SNRNP40: variants seen among roughly 807,000 people sequenced by gnomAD.
SNRNP40 encodes the protein U5 small nuclear ribonucleoprotein 40 kDa protein.
A neutral mutation model predicts 45.8 loss-of-function variants in SNRNP40; 21 were observed. The observed-to-expected ratio is 0.46, with a 90% CI of 0.32 to 0.66. The LOEUF (loss-of-function observed/expected upper bound fraction) is 0.66. Ranked by LOEUF, SNRNP40 falls within the 30% of genes least tolerant of loss-of-function variation. The pLI, the probability that SNRNP40 is intolerant of heterozygous loss-of-function variation, is 0.03. For synonymous variants in SNRNP40, 142 were observed against 163.8 expected, an observed-to-expected ratio of 0.87 and a Z score of 1.01; for missense variants, 344 against 439.1, an observed-to-expected ratio of 0.78 and a Z score of 1.94.
At chr1:31,276,518 G>T (rs1645975840) in intron 5 of SNRNP40, among the ~76,000 whole-genome samples, 2 of 152,096 alleles carry the variant, frequency 1.3e-5, no homozygotes, top group Non-Finnish European at 2.9e-5. Flanking sequence ...GAAGATAAGA[G>T]GCAAGTCACA....
At chr1:31,283,937 T>C (rs1439725248) in intron 4 of SNRNP40, among the ~76,000 whole-genome samples, 3 of 151,974 alleles carry the variant, frequency 2.0e-5, no homozygotes, top group African/African-American at 7.3e-5. Flanking sequence ...ATAAAATTCT[T>C]AGAGGGCCAG....
chr1:31,281,834 C>T, intron 4 of SNRNP40: 1 of 172,734 alleles, frequency 5.8e-6, no homozygotes, highest in Non-Finnish European at 1.2e-5. Context: ...ACAATTTTTT[C>T]AAACCGTAGA....
chr1:31,292,854 G>A (rs948913917), intron 2 of SNRNP40: 4 of 200,042 alleles, frequency 2.0e-5, no homozygotes, highest in African/African-American at 4.8e-5. Context: ...TGAATTAAGA[G>A]GACCTTATAC....
chr1:31,290,395 A>AT (rs1646095725), intron 3 of SNRNP40, among the ~76,000 whole-genome samples: 1 of 152,160 alleles, frequency 6.6e-6, no homozygotes, highest in Non-Finnish European at 1.5e-5. Flanking sequence ...GCACCCTAAG[A>AT]TTTTAGAGGT....
intron 7 of SNRNP40, among the ~76,000 whole-genome samples, chr1:31,268,615 T>C (rs886254344): frequency 4.0e-5 from 6 of 151,170 alleles, no homozygotes; most frequent in African/African-American, 1.2e-4. Flanking sequence ...CTCAATGAGC[T>C]CTCAAAAAAA....
intron 4 of SNRNP40, among the ~76,000 whole-genome samples, chr1:31,285,721 A>T (rs1011231315): frequency 2.6e-5 from 4 of 152,350 alleles, no homozygotes; most frequent in African/African-American, 9.6e-5. Context: ...CATATGTTAA[A>T]TTTAGACTCC....
chr1:31,269,692 C>T, intron 6 of SNRNP40: 1 of 229,982 alleles, frequency 4.3e-6, no homozygotes, highest in Non-Finnish European at 8.4e-6. Context: ...TAGTCTAAGA[C>T]TGGACAAGGT....
At chr1:31,263,887 C>T (rs995130053) in intron 8 of SNRNP40, among the ~76,000 whole-genome samples, 11 of 136,648 alleles carry the variant, frequency 8.0e-5, no homozygotes, top group Admixed American at 6.3e-4. Flanking sequence ...ATTTTACTTT[C>T]ACTTACCCTC....
At chr1:31,268,338 A>G (rs1645914167) in intron 7 of SNRNP40, among the ~76,000 whole-genome samples, 1 of 148,512 alleles carries the variant, frequency 6.7e-6, no homozygotes, top group Non-Finnish European at 1.5e-5. Context: ...GCTGGAGTAC[A>G]GTGGCACAAT....
intron 5 of SNRNP40, among the ~76,000 whole-genome samples, chr1:31,274,645 T>TA (rs368995037): frequency 0.076 from 8,524 of 111,982 alleles, 443 homozygotes; most frequent in Admixed American, 0.16. Flanking sequence ...ACCATTACAT[T>TA]AAAAAAAAAA....
intron 8 of SNRNP40, among the ~76,000 whole-genome samples, chr1:31,262,631 G>A (rs1201285341): frequency 1.3e-5 from 2 of 150,516 alleles, no homozygotes; most frequent in Non-Finnish European, 2.9e-5. Context: ...AGGCAATACA[G>A]TTCATCAACG....
At chr1:31,260,632 C>T (rs980818968) in intron 9 of SNRNP40, among the ~76,000 whole-genome samples, 11 of 151,780 alleles carry the variant, frequency 7.2e-5, no homozygotes, top group African/African-American at 1.9e-4. Flanking sequence ...GAAGCTGAGG[C>T]GGGTGGATTA....
intron 8 of SNRNP40, among the ~76,000 whole-genome samples, chr1:31,264,901 C>T (rs1645885773): frequency 6.6e-6 from 1 of 152,184 alleles, no homozygotes; most frequent in African/African-American, 2.4e-5. Context: ...AGGGTTTACA[C>T]TTCAAGGTCT....
intron 5 of SNRNP40, among the ~76,000 whole-genome samples, chr1:31,274,665 A>C (rs915653457): frequency 2.0e-5 from 3 of 148,316 alleles, no homozygotes; most frequent in South Asian, 2.1e-4. Flanking sequence ...AAAAAAAAAA[A>C]CCAAACTGAA....
chr1:31,264,088 T>C (rs1372523744), intron 8 of SNRNP40, among the ~76,000 whole-genome samples: 1 of 152,212 alleles, frequency 6.6e-6, no homozygotes, highest in East Asian at 1.9e-4. Context: ...TTTTGTTTTG[T>C]GCAATCAACA....
Position 31,288,166 on chromosome 1 carries a change from G to GA in SNRNP40, c.531+1087dup, listed in dbSNP as rs112153143. ...CGATAGAGCAAGACCCTGTCTCAAAGAAAAAAAAAAAAAAGCAAATTCATT... is the reference window on the plus strand; with the variant it reads ...CGATAGAGCAAGACCCTGTCTCAAAGAAAAAAAAAAAAAAAGCAAATTCATT... On this transcript the variant is annotated intron_variant, in intron 4 of 9. Coordinates refer to ENST00000263694, the MANE Select transcript of SNRNP40 (RefSeq NM_004814.3). Among the ~76,000 whole-genome samples, 530 of 120,386 alleles carry GA rather than the reference G, an allele frequency of 4.4e-3. 2 individuals are homozygous for GA. Among genetic ancestry groups the GA allele is most frequent in the South Asian group, 9.9e-3 (39 of 3,948 alleles). 79.0% of individuals were successfully genotyped at this position (120,386 alleles called of 152,430 possible). A position where few individuals can be genotyped will look rare whatever the true frequency, so the allele number is the denominator to read the frequency against.
At chr1:31,260,307 G>A (rs1389718264) in intron 9 of SNRNP40, among the ~76,000 whole-genome samples, 186 bp from the exon 10 acceptor site, 1 of 152,060 alleles carries the variant, frequency 6.6e-6, no homozygotes, top group Non-Finnish European at 1.5e-5. Context: ...CTAATATCAT[G>A]AGGATGACTG....
At chr1:31,279,674 G>A (rs1020859650) in intron 5 of SNRNP40, among the ~76,000 whole-genome samples, 3 of 151,154 alleles carry the variant, frequency 2.0e-5, no homozygotes, top group South Asian at 4.2e-4. Context: ...TTGAACCCAG[G>A]AGGCAGAAGT....
intron 8 of SNRNP40, among the ~76,000 whole-genome samples, chr1:31,262,222 G>C (rs758941321): frequency 1.4e-4 from 22 of 152,114 alleles, no homozygotes; most frequent in Non-Finnish European, 1.3e-4. Flanking sequence ...GGGGCCAAGA[G>C]AAATCAGCTT....
Sources: gnomAD v4.1 joint callset for allele counts (sites outside exome capture counted in the v4.1 genomes callset) on GRCh38, gnomAD v4.1.1 for gene constraint, MANE v1.5 for transcripts, NCBI Gene and HGNC (gene_info 2026-07-23, HGNC 2026-07-21) for gene names.